Variants in ELMO1 observed in about 807,000 individuals in gnomAD.
ELMO1 encodes engulfment and cell motility 1, also known as engulfment and cell motility protein 1.
A neutral mutation model predicts 98.9 loss-of-function variants in ELMO1; 26 were observed. The observed-to-expected ratio is 0.26, with a 90% CI of 0.19 to 0.36. The LOEUF is 0.36. ELMO1 is among the 10% of genes least tolerant of loss of function. ELMO1 has a pLI of 1.00. For missense variants in ELMO1, 627 were observed against 935.2 expected (o/e 0.67, Z 4.30); for synonymous variants, 346 against 346.0 (o/e 1.00, Z 0.00).
chr7:37,187,745 T>A (rs540677515), intron 13 of ELMO1, among the ~76,000 whole-genome samples: 1 of 152,202 alleles, frequency 6.6e-6, no homozygotes, highest in Admixed American at 6.5e-5. Context: ...TGAAATGTGA[T>A]AATTTGACTA....
chr7:37,341,310 C>A (rs1016534896), intron 2 of ELMO1, among the ~76,000 whole-genome samples: 1 of 152,180 alleles, frequency 6.6e-6, no homozygotes, highest in Non-Finnish European at 1.5e-5. Context: ...CAAACCTAAT[C>A]CAAACTACAT....
intron 1 of ELMO1, among the ~76,000 whole-genome samples, chr7:37,441,409 C>T (rs1583771547): frequency 2.0e-5 from 3 of 152,300 alleles, no homozygotes; most frequent in South Asian, 4.1e-4. Context: ...GAAAGGACTT[C>T]GCATAAAGCA....
chr7:37,365,627 C>T (rs1408224126), intron 1 of ELMO1, among the ~76,000 whole-genome samples: 1 of 152,160 alleles, frequency 6.6e-6, no homozygotes, highest in Non-Finnish European at 1.5e-5. Context: ...AGGGTGAAGA[C>T]AACACAGGAA....
chr7:37,316,213 T>C lies in ELMO1; in HGVS notation c.79-253A>G, dbSNP rs571690493. 1.1e-4 allele frequency among the ~76,000 whole-genome samples: 16 copies of C among 152,314 alleles called. No individual in the cohort carries two copies. In the East Asian group the frequency reaches 3.1e-3, roughly 29 times the overall value. On this transcript the variant is annotated intron_variant, in intron 2 of 21. Transcript: ENST00000310758. ...GCATATTAGTTGAACAAAATATGCA[T>C]CATATTTAATTTAGCCACACTGAAA...
At chr7:37,160,309 G>A (rs1789111801) in intron 13 of ELMO1, among the ~76,000 whole-genome samples, 1 of 152,168 alleles carries the variant, frequency 6.6e-6, no homozygotes, top group South Asian at 2.1e-4. Context: ...AGATGCCTCT[G>A]TTTCTCTAAG....
chr7:37,383,976 C>G (rs986110570), intron 1 of ELMO1, among the ~76,000 whole-genome samples: 1 of 152,072 alleles, frequency 6.6e-6, no homozygotes. Flanking sequence ...CCACCGCGCC[C>G]GGCTAATTTT....
At chr7:37,390,623 C>T (rs1803026876) in intron 1 of ELMO1, among the ~76,000 whole-genome samples, 1 of 152,198 alleles carries the variant, frequency 6.6e-6, no homozygotes, top group South Asian at 2.1e-4. Flanking sequence ...GGACTCATCA[C>T]AGTCCCTGAC....
intron 13 of ELMO1, among the ~76,000 whole-genome samples, chr7:37,141,816 C>A (rs1184584241): frequency 2.0e-5 from 3 of 151,932 alleles, no homozygotes; most frequent in Non-Finnish European, 2.9e-5. Flanking sequence ...GAGGATCAAA[C>A]AACCCACACT....
chr7:37,240,288 C>T (rs1731261643), intron 7 of ELMO1, among the ~76,000 whole-genome samples: 1 of 152,040 alleles, frequency 6.6e-6, no homozygotes, highest in African/African-American at 2.4e-5. Context: ...ATCCACCTGC[C>T]TTGGCCTCCC....
intron 2 of ELMO1, among the ~76,000 whole-genome samples, chr7:37,333,970 C>T (rs1187474363): frequency 6.6e-6 from 1 of 152,098 alleles, no homozygotes. Context: ...TAAAAGTTAC[C>T]GTGGGAGCCA....
At chr7:37,240,655 A>C (rs1380201611) in intron 7 of ELMO1, among the ~76,000 whole-genome samples, 2 of 152,132 alleles carry the variant, frequency 1.3e-5, no homozygotes, top group African/African-American at 4.8e-5. Context: ...CTGCATTCAC[A>C]AATTTGGGTA....
chr7:37,126,067 T>C (rs1031284827), intron 14 of ELMO1, among the ~76,000 whole-genome samples: 2 of 151,984 alleles, frequency 1.3e-5, no homozygotes, highest in Non-Finnish European at 1.5e-5. Context: ...AAACATCGCA[T>C]GTTCTCACTT....
chr7:36,985,887 C>G, intron 16 of ELMO1: 1 of 998,672 alleles, frequency 1.0e-6, no homozygotes, highest in Non-Finnish European at 1.2e-6. Context: ...GCTGATAATA[C>G]CGGTGGACAC....
chr7:37,311,424 C>T (rs981552155), intron 4 of ELMO1, among the ~76,000 whole-genome samples: 8 of 151,858 alleles, frequency 5.3e-5, no homozygotes, highest in African/African-American at 1.9e-4. Flanking sequence ...CAGTAACTAA[C>T]AGCATGCACA....
At chr7:36,970,320 G>A (rs1359337572) in intron 16 of ELMO1, among the ~76,000 whole-genome samples, 2 of 151,906 alleles carry the variant, frequency 1.3e-5, no homozygotes, top group East Asian at 1.9e-4. Context: ...ACACATGCAC[G>A]GCATTCTATA....
At chr7:37,370,543 T>C (rs907343535) in intron 1 of ELMO1, among the ~76,000 whole-genome samples, 1 of 152,104 alleles carries the variant, frequency 6.6e-6, no homozygotes. Context: ...TGAACAAAGA[T>C]TTAGTACACA....
chr7:37,049,074 GT>G (rs1235089345), intron 15 of ELMO1, among the ~76,000 whole-genome samples: 3 of 152,040 alleles, frequency 2.0e-5, no homozygotes, highest in South Asian at 2.1e-4. Context: ...TTTTTAACTT[GT>G]TTTCTCTGTC....
intron 13 of ELMO1, among the ~76,000 whole-genome samples, chr7:37,167,359 G>A (rs1451349633): frequency 6.6e-6 from 1 of 152,050 alleles, no homozygotes; most frequent in African/African-American, 2.4e-5. Flanking sequence ...ATAGTGTTAT[G>A]TGTGAATTTG....
At chr7:37,033,073 T>G (rs1024619313) in intron 15 of ELMO1, among the ~76,000 whole-genome samples, 5 of 152,212 alleles carry the variant, frequency 3.3e-5, no homozygotes, top group African/African-American at 1.2e-4. Context: ...AATAATTTAC[T>G]AGTCAGGCTC....
Sources: allele counts gnomAD v4.1 joint callset (sites outside exome capture counted in the v4.1 genomes callset), GRCh38; gene constraint gnomAD v4.1.1; transcripts MANE v1.5; gene names NCBI Gene and HGNC (gene_info 2026-07-23, HGNC 2026-07-21).